C5: variants seen among roughly 807,000 people sequenced by gnomAD.
C5 encodes complement C5.
In C5, 140 loss-of-function variants were observed where a neutral mutation model predicts 218.8. The observed-to-expected ratio is 0.64, with a 90% CI of 0.56 to 0.74. C5 has a LOEUF of 0.74. C5 is among the 30% of genes least tolerant of loss of function. The pLI, the probability that C5 is intolerant of heterozygous loss-of-function variation, is 0.00. For missense variants in C5, 1,700 were observed against 1,969.6 expected (o/e 0.86, Z 2.59); for synonymous variants, 614 against 682.3 (o/e 0.90, Z 1.56).
intron 34 of C5, 93 bp from the exon 35 acceptor site, chr9:120,963,060 G>T: frequency 1.0e-6 from 1 of 969,052 alleles, no homozygotes; most frequent in Non-Finnish European, 1.7e-6. Flanking sequence ...ATGCAGGGAT[G>T]TGATCTGTAA....
chr9:121,036,272 C>T (rs995659722), intron 4 of C5, among the ~76,000 whole-genome samples: 1 of 152,098 alleles, frequency 6.6e-6, no homozygotes, highest in Non-Finnish European at 1.5e-5. Flanking sequence ...CTTCTAAGAT[C>T]ATCTTTCTCA....
chr9:120,963,518 T>C, intron 34 of C5, 118 bp downstream of exon 34: 1 of 762,400 alleles, frequency 1.3e-6, no homozygotes, highest in Non-Finnish European at 2.1e-6. Context: ...AAAAAAAAAA[T>C]ATTCTGGGTG....
At chr9:120,996,848 T>C (rs2047121094) in intron 21 of C5, among the ~76,000 whole-genome samples, 1 of 152,198 alleles carries the variant, frequency 6.6e-6, no homozygotes, top group South Asian at 2.1e-4. Flanking sequence ...TAATTGGCCA[T>C]ATGACCCTTA....
chr9:121,053,234 C>A, upstream of C5, among the ~76,000 whole-genome samples: 1 of 152,192 alleles, frequency 6.6e-6, no homozygotes, highest in East Asian at 1.9e-4. Flanking sequence ...TAGGCTGGCA[C>A]TAGGCAGGTG....
intron 12 of C5, 86 bp from the exon 13 acceptor site, chr9:121,017,938 G>C (rs1292567498): frequency 1.3e-5 from 11 of 843,102 alleles, no homozygotes; most frequent in Non-Finnish European, 2.0e-5. Flanking sequence ...CCTGGAGCTG[G>C]AGCAGAAATT....
chr9:120,991,349 G>C, intron 22 of C5, 69 bp from the exon 23 acceptor site: 1 of 838,400 alleles, frequency 1.2e-6, no homozygotes, highest in South Asian at 1.4e-5. Flanking sequence ...TATTTATAAT[G>C]TATCTACTTC....
At chr9:120,952,932 AT>A (rs41314047) in intron 40 of C5, 64 bp from the exon 41 acceptor site, 502 of 1,556,128 alleles carry the variant, frequency 3.2e-4, no homozygotes, top group East Asian at 8.6e-4. Context: ...TGATTTCTTT[AT>A]TTTTTTTTGA....
At chr9:121,007,030 C>T in intron 18 of C5, 53 bp from the exon 19 acceptor site, 3 of 1,338,084 alleles carry the variant, frequency 2.2e-6, no homozygotes, top group Non-Finnish European at 2.2e-6. Flanking sequence ...ATTAACCCAA[C>T]TTAACAGAGA....
the C5 span, among the ~76,000 whole-genome samples, chr9:121,055,763 T>C: frequency 6.6e-6 from 1 of 152,176 alleles, no homozygotes; most frequent in Non-Finnish European, 1.5e-5. Context: ...CTGCAGGCCT[T>C]GGTGAGCCCC....
At chr9:121,073,344 T>C in the C5 span, among the ~76,000 whole-genome samples, 93 of 152,296 alleles carry the variant, frequency 6.1e-4, 1 homozygote, top group African/African-American at 1.2e-3. Flanking sequence ...CCCACCTCCC[T>C]ACTCCTTGCC....
Position 120,974,818 on chromosome 9 carries a change from A to G in C5, c.3978T>C (p.Tyr1326=). The change falls in exon 30 of 41, where the codon TAT becomes TAC. Residue 1326 remains tyrosine, a synonymous_variant. Transcript: ENST00000223642. ...SYKHKGALHN[Y]KMTDKNFLGR... ...CAAGGAAATTCTTGTCTGTCATTTT[A>G]TAATTATGTAAGGCACCTTTATGCT... is the stretch of plus-strand genomic sequence containing the variant. 1 of 1,614,046 alleles carries G rather than the reference A, an allele frequency of 6.2e-7. No individual in the cohort carries two copies. Among genetic ancestry groups the G allele is most frequent in the Non-Finnish European group, 8.5e-7 (1 of 1,179,880 alleles).
intron 3 of C5, among the ~76,000 whole-genome samples, chr9:121,038,818 C>G (rs910822256): frequency 6.6e-6 from 1 of 152,218 alleles, no homozygotes; most frequent in Non-Finnish European, 1.5e-5. Context: ...CACATTAACA[C>G]TGGTTTTACT....
the C5 span, among the ~76,000 whole-genome samples, chr9:121,073,590 C>T: frequency 6.9e-6 from 1 of 144,272 alleles, no homozygotes; most frequent in East Asian, 2.1e-4. Context: ...GATCTCGGCT[C>T]ACTGCAACCT....
At chr9:120,962,841 G>A in intron 35 of C5, 52 bp downstream of exon 35, 1 of 1,598,580 alleles carries the variant, frequency 6.3e-7, no homozygotes, top group South Asian at 1.1e-5. Flanking sequence ...CTTTTAGCCT[G>A]TATATTTTGA....
In C5 at chr9:120,989,779, T is replaced by C; in HGVS notation, c.2943A>G (p.Gly981=). 2 of 1,613,324 alleles carry C rather than the reference T, an allele frequency of 1.2e-6. No homozygotes were observed. The highest frequency in any genetic ancestry group is 1.7e-6 in the Non-Finnish European group (2 of 1,179,352). Residue 981 remains glycine (G), a splice_region_variant and synonymous_variant, in exon 24 of 41, where the codon GGA becomes GGG. Coordinates refer to ENST00000223642, the MANE Select transcript of C5 (RefSeq NM_001735.3). ...CAGACAAGATCTCACCTACAAGCAGTCCTGAAACAAAAAAGATCAAAGTAG... is the reference window on the plus strand; with the variant it reads ...CAGACAAGATCTCACCTACAAGCAGCCCTGAAACAAAAAAGATCAAAGTAG... ...TEIKRILSVK[G]LLVGEILSAV...
At chr9:120,993,069 C>A (rs1017548477) in intron 22 of C5, among the ~76,000 whole-genome samples, 2 of 152,174 alleles carry the variant, frequency 1.3e-5, no homozygotes. Flanking sequence ...TGCTTAAAAT[C>A]ATTAGTAACC....
intron 22 of C5, among the ~76,000 whole-genome samples, chr9:120,993,911 C>T (rs1308055247): frequency 1.3e-5 from 2 of 151,948 alleles, no homozygotes; most frequent in South Asian, 2.1e-4. Context: ...GAATGGGGTC[C>T]GGGATGAAGG....
chr9:121,032,858 T>C (rs1334806083), intron 5 of C5, among the ~76,000 whole-genome samples: 1 of 151,906 alleles, frequency 6.6e-6, no homozygotes, highest in Non-Finnish European at 1.5e-5. Context: ...AAAATTAGTC[T>C]GGTGTGGTGG....
chr9:121,068,740 T>G, the C5 span, among the ~76,000 whole-genome samples: 327 of 152,276 alleles, frequency 2.1e-3, 1 homozygote, highest in Non-Finnish European at 2.5e-3. Flanking sequence ...ACTACAAAGC[T>G]GTAGTAACCA....
Sources: gnomAD v4.1 joint callset for allele counts (sites outside exome capture counted in the v4.1 genomes callset) on GRCh38, gnomAD v4.1.1 for gene constraint, MANE v1.5 for transcripts, NCBI Gene and HGNC (gene_info 2026-07-23, HGNC 2026-07-21) for gene names.